Variants in PTPRT observed in about 807,000 individuals in gnomAD.
The protein encoded by PTPRT is protein tyrosine phosphatase receptor type T.
A neutral mutation model predicts 176.8 loss-of-function variants in PTPRT; 56 were observed. That is an observed-to-expected ratio of 0.32 (90% CI 0.26 to 0.40). The LOEUF is 0.40. Ranked by LOEUF, PTPRT falls within the 10% of genes least tolerant of loss-of-function variation. The pLI is 1.00. For missense variants in PTPRT, 1,540 were observed against 1,908.2 expected (o/e 0.81, Z 3.60); for synonymous variants, 783 against 739.0 (o/e 1.06, Z -0.96).
chr20:42,640,308 T>A (rs1183515615), intron 7 of PTPRT, among the ~76,000 whole-genome samples: 1 of 152,162 alleles, frequency 6.6e-6, no homozygotes, highest in East Asian at 1.9e-4. Context: ...TTAGTCACAT[T>A]GTTTGGTATA....
At chr20:42,801,533 A>G (rs2145585690) in intron 2 of PTPRT, among the ~76,000 whole-genome samples, 1 of 152,318 alleles carries the variant, frequency 6.6e-6, no homozygotes, top group East Asian at 1.9e-4. Flanking sequence ...CACAAGTATT[A>G]TTTGTGCACC....
chr20:42,596,448 C>G (rs953120118), intron 7 of PTPRT, among the ~76,000 whole-genome samples: 7 of 152,194 alleles, frequency 4.6e-5, no homozygotes, highest in Non-Finnish European at 7.4e-5. Context: ...CGGAATACCA[C>G]GGCGGTCTTT....
chr20:42,146,568 G>A (rs1988877689), intron 17 of PTPRT, among the ~76,000 whole-genome samples: 1 of 152,128 alleles, frequency 6.6e-6, no homozygotes, highest in Admixed American at 6.6e-5. Flanking sequence ...GGCATTGGTA[G>A]TGTTTAAAAC....
At chr20:42,271,185 C>A (rs2056928344) in intron 13 of PTPRT, among the ~76,000 whole-genome samples, 2 of 152,132 alleles carry the variant, frequency 1.3e-5, no homozygotes, top group South Asian at 4.1e-4. Context: ...GGTCTTGTCT[C>A]TCTTCACTAC....
At chr20:43,153,988 G>A (rs1489044282) in intron 1 of PTPRT, among the ~76,000 whole-genome samples, 4 of 152,218 alleles carry the variant, frequency 2.6e-5, no homozygotes, top group African/African-American at 9.6e-5. Flanking sequence ...CAAGTTCCTT[G>A]CAGGTGAGAA....
chr20:42,572,353 C>T (rs2073171480), intron 7 of PTPRT, among the ~76,000 whole-genome samples: 1 of 152,146 alleles, frequency 6.6e-6, no homozygotes, highest in Non-Finnish European at 1.5e-5. Flanking sequence ...ATAAAGAAAA[C>T]TATCCCTGCC....
chr20:42,436,148 T>G (rs2059260328), intron 9 of PTPRT, among the ~76,000 whole-genome samples: 1 of 152,224 alleles, frequency 6.6e-6, no homozygotes, highest in Non-Finnish European at 1.5e-5. Flanking sequence ...ATGCAACTTT[T>G]AGCAGAAATA....
intron 6 of PTPRT, among the ~76,000 whole-genome samples, chr20:42,743,048 A>T (rs2076635457): frequency 2.6e-5 from 4 of 152,192 alleles, no homozygotes; most frequent in Non-Finnish European, 5.9e-5. Context: ...TTAAAAGAAC[A>T]AACCACAGAG....
rs187697710 is a variant in PTPRT, at chr20:42,393,476, C to T, written c.1561-41191G>A. 2.1e-3 allele frequency among the ~76,000 whole-genome samples: 327 copies of T among 152,138 alleles called. 1 individual carries two copies. Among genetic ancestry groups the T allele is most frequent in the African/African-American group, 7.5e-3 (313 of 41,474 alleles). On this transcript the variant is annotated intron_variant, in intron 9 of 30. Transcript: ENST00000373187. Reference sequence around the variant, plus strand: ...AATGTATGCACTCATACACCTCAAACATCTGCTTCCCCACTCAGATTACAG... The same window carrying T: ...AATGTATGCACTCATACACCTCAAATATCTGCTTCCCCACTCAGATTACAG...
intron 1 of PTPRT, among the ~76,000 whole-genome samples, chr20:43,039,662 C>A (rs1986526369): frequency 6.6e-6 from 1 of 151,918 alleles, no homozygotes; most frequent in Non-Finnish European, 1.5e-5. Context: ...AAGAAAACCA[C>A]CACCTGAGAA....
chr20:42,720,456 A>AG (rs1451093073), intron 6 of PTPRT, among the ~76,000 whole-genome samples: 9 of 152,316 alleles, frequency 5.9e-5, no homozygotes, highest in African/African-American at 1.4e-4. Context: ...GGAATTATGG[A>AG]GGGGTCAATG....
At chr20:42,899,519 GT>G (rs1337009481) in intron 1 of PTPRT, among the ~76,000 whole-genome samples, 1 of 152,220 alleles carries the variant, frequency 6.6e-6, no homozygotes, top group Non-Finnish European at 1.5e-5. Context: ...CCCTTCTTCA[GT>G]CATTCTCTAT....
At chr20:42,999,606 G>A (rs575861983) in intron 1 of PTPRT, among the ~76,000 whole-genome samples, 139 of 141,248 alleles carry the variant, frequency 9.8e-4, no homozygotes, top group Non-Finnish European at 1.8e-3. Flanking sequence ...AAAAACTTGT[G>A]GTTTTTTTTT....
chr20:43,115,273 C>T (rs1026266609), intron 1 of PTPRT, among the ~76,000 whole-genome samples: 1 of 152,178 alleles, frequency 6.6e-6, no homozygotes, highest in African/African-American at 2.4e-5. Context: ...AGGTACCAAG[C>T]AGATGGATGA....
chr20:42,450,040 G>A (rs34142295), intron 8 of PTPRT, among the ~76,000 whole-genome samples: 35,718 of 152,074 alleles, frequency 0.23, 4,329 homozygotes, highest in Middle Eastern at 0.34. Flanking sequence ...GAAATTGCAG[G>A]CTTCTCTGGG....
chr20:42,472,472 G>C lies in PTPRT; in HGVS notation c.1244C>G (p.Thr415Ser). 1 of 1,614,258 alleles carries C rather than the reference G, an allele frequency of 6.2e-7. No individual in the cohort carries two copies. Among genetic ancestry groups the C allele is most frequent in the Non-Finnish European group, 8.5e-7 (1 of 1,180,040 alleles). Residue 415 changes from threonine to serine, a missense_variant, in exon 8 of 31, where the codon ACC (threonine) becomes AGC (serine). Transcript: ENST00000373187. The stretch of plus-strand genomic sequence containing the variant: ...GGTGAGGTTGTAGCTATGGCAGCGG[G>C]TCACCGCGTAGCCGAAGGGCTCCCA... The part of the protein sequence containing the change: ...LQWEPFGYAV[T>S]RCHSYNLTVQ...
chr20:43,092,112 T>G lies in PTPRT; in HGVS notation c.88+97534A>C, dbSNP rs79504582. Among the ~76,000 whole-genome samples the G allele has an allele frequency of 3.3e-3, 504 of 152,258 alleles. 5 individuals are homozygous for G. Among genetic ancestry groups the G allele is most frequent in the East Asian group, 0.024 (124 of 5,180 alleles). On this transcript the variant is annotated intron_variant, in intron 1 of 30. Transcript: ENST00000373187. ...AAGGACACATGGGAAAGTGGTTTAT[T>G]TGGGGAAGTGATTCCAAGTGACAGT...
At chr20:43,087,853 C>T (rs2011660388) in intron 1 of PTPRT, among the ~76,000 whole-genome samples, 1 of 152,072 alleles carries the variant, frequency 6.6e-6, no homozygotes, top group African/African-American at 2.4e-5. Context: ...GCAGGGTACT[C>T]AGTGGGGGCA....
intron 1 of PTPRT, among the ~76,000 whole-genome samples, chr20:42,992,433 T>C (rs1983968055): frequency 6.6e-6 from 1 of 152,238 alleles, no homozygotes; most frequent in African/African-American, 2.4e-5. Flanking sequence ...GCTCAGTCTA[T>C]TGGGCCAGTA....
Sources: gnomAD v4.1 joint callset for allele counts (sites outside exome capture counted in the v4.1 genomes callset) on GRCh38, gnomAD v4.1.1 for gene constraint, MANE v1.5 for transcripts, NCBI Gene and HGNC (gene_info 2026-07-23, HGNC 2026-07-21) for gene names.